PIWIL3: variants seen among roughly 807,000 people sequenced by gnomAD.
The protein encoded by PIWIL3 is piwi-like protein 3.
Under a neutral mutation model 109.7 loss-of-function variants are expected in PIWIL3, and 101 were observed. That is an observed-to-expected ratio of 0.92 (90% CI 0.78 to 1.09). PIWIL3 has a LOEUF of 1.09. Among genes scored for constraint, PIWIL3 ranks in the 50% least tolerant of loss-of-function variants. The pLI is 0.00. For missense variants in PIWIL3, 1,031 were observed against 1,072.6 expected, an observed-to-expected ratio of 0.96 and a Z score of 0.54; for synonymous variants, 373 against 376.4, an observed-to-expected ratio of 0.99 and a Z score of 0.10.
chr22:24,762,919 A>T (rs1925526029), intron 1 of PIWIL3, among the ~76,000 whole-genome samples: 1 of 152,046 alleles, frequency 6.6e-6, no homozygotes, highest in African/African-American at 2.4e-5. Context: ...CCCACTTCCC[A>T]ATGCTGCCAC....
At position 24,751,467 on chromosome 22, in the gene PIWIL3, T is replaced by C. The variant is rs759198197; in HGVS notation, c.1009A>G (p.Ile337Val). The C allele has an allele frequency of 6.2e-7, 1 of 1,613,746 alleles. No homozygotes were observed. The change falls in exon 9 of 21, where the codon ATT (isoleucine) becomes GTT (valine). Residue 337 changes from isoleucine to valine, a missense_variant. By Grantham distance (29) the Ile-to-Val change is conservative. Transcript: ENST00000616349. ...TCTTCAGGATTCTGCTTCCAATCAA[T>C]ATCATCTACTCTGTAGGTTTTGTTG... ...YNNKTYRVDD[I>V]DWKQNPEDTF...
chr22:24,724,870 C>T lies in PIWIL3; in HGVS notation c.2231+17G>A, dbSNP rs199878942. 35 of 1,608,966 alleles carry T rather than the reference C, an allele frequency of 2.2e-5. No individual in the cohort carries two copies. Among genetic ancestry groups the T allele is most frequent in the Non-Finnish European group, 2.7e-5 (32 of 1,177,212 alleles). Reference sequence around the variant, plus strand: ...TACAGGCATGAGTCACTACACATTACAATTAATACAACCTACTTGTTAGGA... The same window carrying T: ...TACAGGCATGAGTCACTACACATTATAATTAATACAACCTACTTGTTAGGA... On this transcript the variant is annotated intron_variant, in intron 18 of 20. Coordinates refer to ENST00000616349, the MANE Select transcript of PIWIL3 (RefSeq NM_001255975.1).
chr22:24,757,907 C>T lies in PIWIL3; in HGVS notation c.355+1G>A. 2 of 1,598,318 alleles carry T rather than the reference C, an allele frequency of 1.3e-6. No homozygotes were observed. The highest frequency in any genetic ancestry group is 1.7e-6 in the Non-Finnish European group (2 of 1,175,826). On this transcript the variant is annotated splice_donor_variant, in intron 4 of 20. Coordinates refer to ENST00000616349, the MANE Select transcript of PIWIL3 (RefSeq NM_001255975.1). LOFTEE classifies it high-confidence loss of function. ...AAACATTGAGTTCTAGACCAACATACCTGTTTTTGAGTCTTTAACATGCTT... is the reference window on the plus strand; with the variant it reads ...AAACATTGAGTTCTAGACCAACATATCTGTTTTTGAGTCTTTAACATGCTT...
At chr22:24,762,583 G>A in intron 1 of PIWIL3, 62 bp from the exon 2 acceptor site, 1 of 1,330,874 alleles carries the variant, frequency 7.5e-7, no homozygotes, top group African/African-American at 1.5e-5. Context: ...CTCTCTTTAG[G>A]GTTGCTACAA....
At chr22:24,724,677 T>C (rs933734639) in intron 18 of PIWIL3, among the ~76,000 whole-genome samples, 1 of 152,064 alleles carries the variant, frequency 6.6e-6, no homozygotes, top group Non-Finnish European at 1.5e-5. Context: ...CCTCAGGTGA[T>C]CCACCCTCCT....
intron 1 of PIWIL3, among the ~76,000 whole-genome samples, chr22:24,773,581 G>A (rs199975396): frequency 2.6e-5 from 4 of 152,146 alleles, no homozygotes; most frequent in South Asian, 4.1e-4. Flanking sequence ...TAGAAATTCC[G>A]CGGTTTTATT....
chr22:24,739,134 CT>C (rs1923831498), intron 12 of PIWIL3, among the ~76,000 whole-genome samples: 1 of 151,932 alleles, frequency 6.6e-6, no homozygotes, highest in African/African-American at 2.4e-5. Context: ...GAAAGAATTA[CT>C]GAGTTCAAAG....
At chr22:24,758,520 A>C (rs1925225645) in intron 3 of PIWIL3, among the ~76,000 whole-genome samples, 1 of 152,240 alleles carries the variant, frequency 6.6e-6, no homozygotes, top group Non-Finnish European at 1.5e-5. Context: ...ATATCGATGT[A>C]GCTATTCTAC....
chr22:24,762,561 C>T, intron 1 of PIWIL3, 40 bp from the exon 2 acceptor site: 2 of 1,497,300 alleles, frequency 1.3e-6, no homozygotes, highest in South Asian at 1.3e-5. Context: ...TGTGGAGTTG[C>T]CTGGTGTCTT....
chr22:24,757,801 G>A (rs1399350795), intron 4 of PIWIL3, 107 bp downstream of exon 4: 23 of 1,321,718 alleles, frequency 1.7e-5, no homozygotes, highest in Admixed American at 2.4e-5. Flanking sequence ...GAGCATCACT[G>A]TACTCCAGCC....
At chr22:24,741,334 G>GA (rs1923996487) in intron 12 of PIWIL3, among the ~76,000 whole-genome samples, 1 of 152,120 alleles carries the variant, frequency 6.6e-6, no homozygotes. Context: ...CTAACATGGT[G>GA]AAACCCTGTC....
intron 8 of PIWIL3, among the ~76,000 whole-genome samples, chr22:24,753,451 G>A (rs897104092): frequency 6.6e-6 from 1 of 152,140 alleles, no homozygotes; most frequent in African/African-American, 2.4e-5. Context: ...GAAGTGGAGG[G>A]TTAACCTTCT....
chr22:24,758,121 G>C (rs1424715649), intron 3 of PIWIL3, 82 bp from the exon 4 acceptor site: 18 of 1,450,154 alleles, frequency 1.2e-5, no homozygotes, highest in Non-Finnish European at 1.7e-5. Context: ...GCATAAGTTT[G>C]TTAGAGGTAG....
intron 1 of PIWIL3, among the ~76,000 whole-genome samples, chr22:24,763,285 G>A (rs897793585): frequency 2.7e-5 from 4 of 146,032 alleles, no homozygotes; most frequent in Non-Finnish European, 6.0e-5. Context: ...ACACACCACC[G>A]CACCCAGCTA....
intron 1 of PIWIL3, among the ~76,000 whole-genome samples, chr22:24,766,269 G>T (rs1337214325): frequency 1.3e-5 from 2 of 151,930 alleles, no homozygotes. Flanking sequence ...TTACAGGTGT[G>T]AGCCACCATG....
chr22:24,765,906 G>C (rs1925760839), intron 1 of PIWIL3, among the ~76,000 whole-genome samples: 1 of 151,798 alleles, frequency 6.6e-6, no homozygotes, highest in Non-Finnish European at 1.5e-5. Flanking sequence ...ATAATTATTA[G>C]TTTTAGAGGC....
chr22:24,770,269 G>C (rs755232064), intron 1 of PIWIL3, among the ~76,000 whole-genome samples: 2 of 152,194 alleles, frequency 1.3e-5, no homozygotes, highest in African/African-American at 4.8e-5. Context: ...TCAGTATGAC[G>C]ACATCAACTG....
chr22:24,726,914 A>G (rs2147651995), intron 16 of PIWIL3, among the ~76,000 whole-genome samples: 1 of 152,348 alleles, frequency 6.6e-6, no homozygotes, highest in South Asian at 2.1e-4. Context: ...TGCAAAGAGG[A>G]CTGCAAACTT....
At position 24,721,683 on chromosome 22, in the gene PIWIL3, T is replaced by C. The variant is rs562290589; in HGVS notation, c.2357+1447A>G. 8.3e-4 allele frequency among the ~76,000 whole-genome samples: 126 copies of C among 152,388 alleles called. 1 individual carries two copies. The highest frequency in any genetic ancestry group is 2.9e-3 in the African/African-American group (119 of 41,598). ...CACTGATTTTTCTTCGTTTTGACTATATTCATGTTTGTTAGATATTCAAAT... is the reference window on the plus strand; with the variant it reads ...CACTGATTTTTCTTCGTTTTGACTACATTCATGTTTGTTAGATATTCAAAT... On this transcript the variant is annotated intron_variant, in intron 19 of 20. Coordinates refer to ENST00000616349, the MANE Select transcript of PIWIL3 (RefSeq NM_001255975.1).
Sources: gnomAD v4.1 joint callset for allele counts (sites outside exome capture counted in the v4.1 genomes callset) on GRCh38, gnomAD v4.1.1 for gene constraint, MANE v1.5 for transcripts, NCBI Gene and HGNC (gene_info 2026-07-23, HGNC 2026-07-21) for gene names.